MLXIPL: variants seen among roughly 807,000 people sequenced by gnomAD.
MLXIPL encodes the protein carbohydrate-responsive element-binding protein.
In MLXIPL, 49 loss-of-function variants were observed where a neutral mutation model predicts 81.5. That is an observed-to-expected ratio of 0.60 (90% CI 0.48 to 0.76). The LOEUF (loss-of-function observed/expected upper bound fraction) is 0.76. Ranked by LOEUF, MLXIPL falls within the 30% of genes least tolerant of loss-of-function variation. The probability of loss-of-function intolerance (pLI) is 0.00; values close to 1 mark genes in which losing one functional copy is unlikely to be tolerated. For synonymous variants in MLXIPL, 466 were observed against 485.5 expected (o/e 0.96, Z 0.53); for missense variants, 1,053 against 1,167.0 (o/e 0.90, Z 1.42).
In MLXIPL at chr7:73,597,287, G is replaced by T; in HGVS notation, c.1498C>A (p.Pro500Thr). 6.4e-7 allele frequency: 1 copy of T among 1,573,638 alleles called. No homozygotes were observed. The highest frequency in any genetic ancestry group is 2.2e-4 in the Middle Eastern group (1 of 4,554). Reference protein sequence around the residue: ...MPRGKPPAPSPRGQKASPPTL... With the variant: ...MPRGKPPAPSTRGQKASPPTL... ...GGGGGGCTGGCTTTCTGTCCCCTAG[G>T]GGATGGGGCGGGGGGCTTGCCTCTG... Residue 500 changes from proline (P) to threonine (T), a missense_variant, in exon 9 of 17, where the codon CCT (proline) becomes ACT (threonine). By Grantham distance (38) the Pro-to-Thr change is conservative. Transcript: ENST00000313375.
chr7:73,597,359 G>T lies in MLXIPL; in HGVS notation c.1426C>A (p.Pro476Thr), dbSNP rs782650586. ...AAGGCAGGCTCCGAATACCCCAAGG[G>T]TAGAAGCTCTATGGGGAAGGGGGTG... ...APTPFPIELL[P>T]LGYSEPAFGP... The change falls in exon 9 of 17, where the codon CCC becomes ACC. Residue 476 changes from proline (P) to threonine (T), a missense_variant. By Grantham distance (38) the Pro-to-Thr change is conservative. Transcript: ENST00000313375. 2.4e-5 allele frequency: 29 copies of T among 1,227,776 alleles called. No homozygotes were observed. The highest frequency in any genetic ancestry group is 3.0e-5 in the Non-Finnish European group (28 of 935,288). 76.1% of individuals were successfully genotyped at this position (1,227,776 alleles called of 1,614,324 possible).
In MLXIPL at chr7:73,597,231, GGGGGGACTGGCAGTGGCA is replaced by G; in HGVS notation, c.1536_1553del (p.Ala513_Pro518del). 1 of 1,603,440 alleles carries G rather than the reference GGGGGGACTGGCAGTGGCA, an allele frequency of 6.2e-7. No individual in the cohort carries two copies. The highest frequency in any genetic ancestry group is 8.5e-7 in the Non-Finnish European group (1 of 1,177,152). The stretch of plus-strand genomic sequence containing the variant: ...AGGGGTTGTTGCTCCCCGCAGTGGT[GGGGGGACTGGCAGTGGCA>G]GGGGCTAAGGTAGGGGGGCTGGCTT... On this transcript the variant is annotated inframe_deletion, in exon 9 of 17. Transcript: ENST00000313375.
intron 8 of MLXIPL, among the ~76,000 whole-genome samples, chr7:73,598,398 T>C (rs1446067111): frequency 6.6e-6 from 1 of 152,108 alleles, no homozygotes; most frequent in Non-Finnish European, 1.5e-5. Context: ...CATCTATACA[T>C]TTCCAGCCAC....
chr7:73,631,280 G>T, the MLXIPL span, among the ~76,000 whole-genome samples: 1 of 152,106 alleles, frequency 6.6e-6, no homozygotes, highest in Non-Finnish European at 1.5e-5. Flanking sequence ...CTCCCAAAGT[G>T]CTGGGATTAC....
At chr7:73,631,133 C>T in the MLXIPL span, among the ~76,000 whole-genome samples, 3 of 152,014 alleles carry the variant, frequency 2.0e-5, no homozygotes, top group East Asian at 3.9e-4. Flanking sequence ...CTCAGCCTCC[C>T]GAGTAGCTAG....
At chr7:73,618,617 T>C (rs1369205544) in intron 1 of MLXIPL, among the ~76,000 whole-genome samples, 2 of 151,534 alleles carry the variant, frequency 1.3e-5, no homozygotes, top group African/African-American at 4.9e-5. Flanking sequence ...ACAACAGGCC[T>C]CATTACCCAA....
chr7:73,635,936 C>T, the MLXIPL span, among the ~76,000 whole-genome samples: 1 of 152,210 alleles, frequency 6.6e-6, no homozygotes, highest in Admixed American at 6.6e-5. Context: ...CAGATGCTTG[C>T]AACATGGCTC....
the MLXIPL span, among the ~76,000 whole-genome samples, chr7:73,641,574 T>C: frequency 0.012 from 1,876 of 152,274 alleles, 39 homozygotes; most frequent in African/African-American, 0.044. Context: ...CTCACACTTA[T>C]GACACCATTT....
At chr7:73,615,295 G>A (rs1795943107) in intron 2 of MLXIPL, among the ~76,000 whole-genome samples, 1 of 152,104 alleles carries the variant, frequency 6.6e-6, no homozygotes, top group South Asian at 2.1e-4. Flanking sequence ...GCACCTACTG[G>A]ATATTCAGGA....
At chr7:73,595,526 C>T (rs1239381624) in intron 15 of MLXIPL, 111 bp downstream of exon 15, 1 of 1,605,732 alleles carries the variant, frequency 6.2e-7, no homozygotes, top group Non-Finnish European at 8.5e-7. Context: ...CACCTGGGAG[C>T]AGCTCTGAGC....
intron 1 of MLXIPL, among the ~76,000 whole-genome samples, chr7:73,620,152 C>G (rs1055377624): frequency 1.3e-5 from 2 of 151,748 alleles, no homozygotes; most frequent in Non-Finnish European, 2.9e-5. Flanking sequence ...GTCTATAATC[C>G]CAGCACTTTG....
chr7:73,642,174 T>C, the MLXIPL span, among the ~76,000 whole-genome samples: 1 of 152,088 alleles, frequency 6.6e-6, no homozygotes, highest in Non-Finnish European at 1.5e-5. Flanking sequence ...TTATCAATGA[T>C]ACAACTCAGG....
the MLXIPL span, among the ~76,000 whole-genome samples, chr7:73,647,017 G>A: frequency 6.6e-6 from 1 of 152,166 alleles, no homozygotes; most frequent in Non-Finnish European, 1.5e-5. Context: ...GAGTGGCCCA[G>A]GAACAGTAAA....
At chr7:73,636,080 T>G in the MLXIPL span, among the ~76,000 whole-genome samples, 1 of 152,040 alleles carries the variant, frequency 6.6e-6, no homozygotes, top group African/African-American at 2.4e-5. Flanking sequence ...TAAGGAAGGC[T>G]CTCTAGAAGA....
At chr7:73,620,026 T>A (rs1796242233) in intron 1 of MLXIPL, among the ~76,000 whole-genome samples, 1 of 151,988 alleles carries the variant, frequency 6.6e-6, no homozygotes. Flanking sequence ...CCTAAGCACT[T>A]TGGGAGGCTG....
intron 7 of MLXIPL, among the ~76,000 whole-genome samples, chr7:73,601,176 AGTGT>A (rs55639253): frequency 0.023 from 3,123 of 137,608 alleles, 55 homozygotes; most frequent in South Asian, 0.072. Flanking sequence ...TGCAGGGTCA[AGTGT>A]GTGTGTGTGT....
rs782270305 is a variant in MLXIPL, at chr7:73,605,786, G to A, written c.821-18C>T. The A allele has an allele frequency of 2.6e-5, 42 of 1,611,124 alleles. No individual in the cohort carries two copies. Among genetic ancestry groups the A allele is most frequent in the Non-Finnish European group, 3.5e-5 (41 of 1,178,894 alleles). On this transcript the variant is annotated intron_variant, in intron 6 of 16. Coordinates refer to ENST00000313375, the MANE Select transcript of MLXIPL (RefSeq NM_032951.3). ...GACGTAGGCTGGAGGCAGCAGTGGC[G>A]ACATCAGCAGCAGCAGGCAGGGAGG...
chr7:73,624,428 T>C lies in MLXIPL; in HGVS notation c.65A>G (p.Asp22Gly). 6.4e-7 allele frequency: 1 copy of C among 1,561,744 alleles called. No homozygotes were observed. Among genetic ancestry groups the C allele is most frequent in the Non-Finnish European group, 8.6e-7 (1 of 1,161,012 alleles). Residue 22 changes from aspartate to glycine, a missense_variant, in exon 1 of 17, where the codon GAC becomes GGC. Around this residue, in one of 3 missense-constraint regions of MLXIPL, gnomAD observed 226 missense variants for 216.2 expected, o/e 1.05. Transcript: ENST00000313375. ...CTCCGAGTCTGTGTCCGAGTCCGAG[T>C]CTGGGCTGGGCGCGACCCGCGGGAC... ...LQVPRVAPSP[D>G]SDSDTDSEDP...
chr7:73,635,358 C>T, the MLXIPL span, among the ~76,000 whole-genome samples: 2 of 152,012 alleles, frequency 1.3e-5, no homozygotes, highest in African/African-American at 4.8e-5. Context: ...AGTATCTAGT[C>T]ATCCGTCCAG....
Sources: allele counts gnomAD v4.1 joint callset (sites outside exome capture counted in the v4.1 genomes callset), GRCh38; gene constraint gnomAD v4.1.1; regional missense constraint gnomAD v4.1.1; transcripts MANE v1.5; gene names NCBI Gene and HGNC (gene_info 2026-07-23, HGNC 2026-07-21).